The following HSPA4L variants were observed in gnomAD, a reference collection of about 807,000 sequenced individuals.
HSPA4L encodes heat shock 70 kDa protein 4L.
Under a neutral mutation model 100.3 loss-of-function variants are expected in HSPA4L, and 48 were observed. The observed-to-expected ratio is 0.48, with a 90% CI of 0.38 to 0.61. The LOEUF (loss-of-function observed/expected upper bound fraction) is 0.61, where lower values mean the gene tolerates loss of function less well. Ranked by LOEUF, HSPA4L falls within the 20% of genes least tolerant of loss-of-function variation. The probability of loss-of-function intolerance (pLI) is 0.00; values close to 1 mark genes in which losing one functional copy is unlikely to be tolerated. For missense variants in HSPA4L, 886 were observed against 988.6 expected, an observed-to-expected ratio of 0.90 and a Z score of 1.39; for synonymous variants, 319 against 328.2, an observed-to-expected ratio of 0.97 and a Z score of 0.30.
At chr4:127,821,494 C>T (rs1442669298) in intron 14 of HSPA4L, among the ~76,000 whole-genome samples, 1 of 152,010 alleles carries the variant, frequency 6.6e-6, no homozygotes, top group African/African-American at 2.4e-5. Flanking sequence ...CAGGTTATTT[C>T]TTTGCTTTTG....
At chr4:127,824,197 T>A (rs1448224807) in intron 16 of HSPA4L, among the ~76,000 whole-genome samples, 1 of 152,234 alleles carries the variant, frequency 6.6e-6, no homozygotes, top group Non-Finnish European at 1.5e-5. Flanking sequence ...GGCTGAATAG[T>A]ATTCCGTTGT....
At chr4:127,809,298 C>T in intron 11 of HSPA4L, 1 of 1,217,322 alleles carries the variant, frequency 8.2e-7, no homozygotes, top group Non-Finnish European at 1.2e-6. Context: ...TAGCATTGCA[C>T]TCTCGAGACC....
At chr4:127,782,259 C>T, upstream of HSPA4L, 1 of 425,660 alleles carries the variant, frequency 2.3e-6, no homozygotes, top group South Asian at 2.2e-5. Flanking sequence ...TCGCGCGCCT[C>T]CCGGGCAGCC....
Position 127,827,225 on chromosome 4 carries a change from A to G in HSPA4L, c.2047-80A>G, listed in dbSNP as rs541484656. The G allele has an allele frequency of 9.7e-6, 11 of 1,135,848 alleles. No homozygotes were observed. The South Asian group carries it at 1.3e-4, about 14-fold the overall frequency. The allele number at this position is 1,135,848 out of a possible 1,614,324, so 70.4% of individuals were successfully genotyped here. On this transcript the variant is annotated intron_variant, in intron 16 of 18. Coordinates refer to ENST00000296464, the MANE Select transcript of HSPA4L (RefSeq NM_014278.4). ...ATCTGTCCATCTTTTCTTCCTATTT[A>G]TCATCCTATAAGGGCCCTATAAAAG...
At chr4:127,832,557 T>G (rs1040540599) in intron 18 of HSPA4L, 126 bp from the exon 19 acceptor site, 2 of 797,026 alleles carry the variant, frequency 2.5e-6, no homozygotes, top group Non-Finnish European at 2.0e-6. Context: ...CAGTTGGCTA[T>G]CTAGCTGAGC....
upstream of HSPA4L, chr4:127,781,812 G>A (rs1168217883): frequency 1.2e-5 from 3 of 241,634 alleles, no homozygotes; most frequent in Admixed American, 5.6e-5. Context: ...GGAGGGCGCC[G>A]GGCTGCACAT....
chr4:127,788,280 A>G (rs573451313), intron 1 of HSPA4L, among the ~76,000 whole-genome samples: 1 of 152,196 alleles, frequency 6.6e-6, no homozygotes, highest in Non-Finnish European at 1.5e-5. Flanking sequence ...ATATTGTTAA[A>G]TGTTTAATTA....
chr4:127,796,744 A>G (rs1733032137), intron 3 of HSPA4L, among the ~76,000 whole-genome samples: 1 of 152,202 alleles, frequency 6.6e-6, no homozygotes, highest in African/African-American at 2.4e-5. Flanking sequence ...GATTCCTTTT[A>G]TATAGAATGT....
At chr4:127,810,450 G>C (rs959793661) in intron 11 of HSPA4L, among the ~76,000 whole-genome samples, 3 of 152,106 alleles carry the variant, frequency 2.0e-5, no homozygotes, top group Non-Finnish European at 4.4e-5. Context: ...GAAGTCTGAA[G>C]TCAAGGTATC....
chr4:127,809,051 T>C (rs913717339), intron 11 of HSPA4L: 1 of 521,396 alleles, frequency 1.9e-6, no homozygotes, highest in African/African-American at 1.9e-5. Flanking sequence ...TGACTATTAC[T>C]GGATTAATAT....
intron 10 of HSPA4L, among the ~76,000 whole-genome samples, chr4:127,806,679 G>A (rs1049187228): frequency 1.3e-5 from 2 of 151,868 alleles, no homozygotes; most frequent in Non-Finnish European, 2.9e-5. Context: ...TAGGTAGCCT[G>A]CTTCCCTACC....
At chr4:127,819,349 A>G (rs1733751534) in intron 13 of HSPA4L, among the ~76,000 whole-genome samples, 2 of 152,188 alleles carry the variant, frequency 1.3e-5, no homozygotes, top group African/African-American at 2.4e-5. Flanking sequence ...TAACCTGCAT[A>G]GATTAAATTC....
In HSPA4L at chr4:127,832,731, G is replaced by A; in HGVS notation, c.2377G>A (p.Ala793Thr). ...NPIIYKPKPK[A>T]EVPEDKPKAN... Reference sequence around the variant, plus strand: ...CATCATTTACAAGCCCAAACCAAAAGCAGAAGTTCCTGAAGACAAACCAAA... The same window carrying A: ...CATCATTTACAAGCCCAAACCAAAAACAGAAGTTCCTGAAGACAAACCAAA... Residue 793 changes from alanine to threonine, a missense_variant, in exon 19 of 19, where the codon GCA (alanine) becomes ACA (threonine). By Grantham distance (58) the Ala-to-Thr change is moderately conservative (BLOSUM62 0). Transcript: ENST00000296464. 1 of 1,612,880 alleles carries A rather than the reference G, an allele frequency of 6.2e-7. No individual in the cohort carries two copies. Among genetic ancestry groups the A allele is most frequent in the African/African-American group, 1.3e-5 (1 of 75,006 alleles).
chr4:127,795,748 C>G lies in HSPA4L; in HGVS notation c.166-20C>G, dbSNP rs762282282. 2 of 1,611,436 alleles carry G rather than the reference C, an allele frequency of 1.2e-6. No homozygotes were observed. The highest frequency in any genetic ancestry group is 2.2e-5 in the South Asian group (2 of 90,768). On this transcript the variant is annotated intron_variant, in intron 2 of 18. Transcript: ENST00000296464. ...GCATTTATTAGGTAACTGATAAATA[C>G]AAGTGTTTACTGCCAACAGATAGTC...
intron 1 of HSPA4L, among the ~76,000 whole-genome samples, chr4:127,784,900 C>T (rs949145425): frequency 1.3e-5 from 2 of 152,134 alleles, no homozygotes; most frequent in African/African-American, 4.8e-5. Flanking sequence ...TTTCATATTC[C>T]AATTGCTTAC....
At chr4:127,797,402 T>C (rs1733051037) in intron 3 of HSPA4L, among the ~76,000 whole-genome samples, 2 of 152,044 alleles carry the variant, frequency 1.3e-5, no homozygotes, top group Admixed American at 6.6e-5. Flanking sequence ...AACAGAATAA[T>C]GTTTTTAAAG....
At chr4:127,801,458 CGTGTGTGT>C (rs33966471) in intron 5 of HSPA4L, among the ~76,000 whole-genome samples, 13,022 of 144,700 alleles carry the variant, frequency 0.09, 759 homozygotes, top group African/African-American at 0.16. Context: ...TATAAAAATA[CGTGTGTGT>C]GTGTGTGTGT....
In HSPA4L at chr4:127,828,040, T is replaced by C. The variant is rs577762054; in HGVS notation, c.2166+616T>C. On this transcript the variant is annotated intron_variant, in intron 17 of 18. Transcript: ENST00000296464. ...CTCTAAATCAGTAGTTATCAGACTTTTTTTAAGACAAACAATATTTTAGGC... is the reference window on the plus strand; with the variant it reads ...CTCTAAATCAGTAGTTATCAGACTTCTTTTAAGACAAACAATATTTTAGGC... Among the ~76,000 whole-genome samples, 121 of 152,234 alleles carry C rather than the reference T, an allele frequency of 7.9e-4. 2 individuals are homozygous for C. Among genetic ancestry groups the C allele is most frequent in the Admixed American group, 5.2e-3 (80 of 15,288 alleles).
intron 12 of HSPA4L, among the ~76,000 whole-genome samples, chr4:127,815,657 A>T (rs1334321227): frequency 6.6e-6 from 1 of 152,064 alleles, no homozygotes; most frequent in African/African-American, 2.4e-5. Context: ...TTAATTCCAC[A>T]TATTTGCTTA....
Sources: gnomAD v4.1 joint callset for allele counts (sites outside exome capture counted in the v4.1 genomes callset) on GRCh38, gnomAD v4.1.1 for gene constraint, MANE v1.5 for transcripts, NCBI Gene and HGNC (gene_info 2026-07-23, HGNC 2026-07-21) for gene names.